The following ATP8A1 variants were observed in gnomAD, a reference collection of about 807,000 sequenced individuals.
ATP8A1 encodes the protein ATPase phospholipid transporting 8A1.
In ATP8A1, 90 loss-of-function variants were observed where a neutral mutation model predicts 177.7. The observed-to-expected ratio is 0.51, with a 90% CI of 0.43 to 0.60. The LOEUF (loss-of-function observed/expected upper bound fraction) is 0.60, where lower values mean the gene tolerates loss of function less well. Among genes scored for constraint, ATP8A1 ranks in the 20% least tolerant of loss-of-function variants. The probability of loss-of-function intolerance (pLI) is 0.00; values close to 1 mark genes in which losing one functional copy is unlikely to be tolerated. For missense variants in ATP8A1, 1,072 were observed against 1,392.8 expected (o/e 0.77, Z 3.67); for synonymous variants, 493 against 485.9 (o/e 1.01, Z -0.19).
intron 1 of ATP8A1, among the ~76,000 whole-genome samples, chr4:42,648,043 A>C (rs1740713327): frequency 6.6e-6 from 1 of 152,262 alleles, no homozygotes; most frequent in South Asian, 2.1e-4. Flanking sequence ...ATTCAGACTG[A>C]TACCAATATC....
At chr4:42,551,304 G>A in intron 17 of ATP8A1, 24 bp from the exon 18 acceptor site, 1 of 1,532,074 alleles carries the variant, frequency 6.5e-7, no homozygotes, top group East Asian at 2.3e-5. Context: ...AGAGGTAAAA[G>A]CAAACACATG....
At chr4:42,485,839 G>C (rs73235584) in intron 24 of ATP8A1, among the ~76,000 whole-genome samples, 171 bp from the exon 25 acceptor site, 23,122 of 152,118 alleles carry the variant, frequency 0.15, 2,198 homozygotes, top group South Asian at 0.24. Flanking sequence ...TCAGGAGCCT[G>C]CACAATTGTT....
At chr4:42,437,869 C>T (rs953045113) in intron 33 of ATP8A1, among the ~76,000 whole-genome samples, 7 of 152,168 alleles carry the variant, frequency 4.6e-5, no homozygotes, top group Non-Finnish European at 8.8e-5. Context: ...GCTTTCTGGT[C>T]ACTTCAGGCA....
At position 42,574,776 on chromosome 4, in the gene ATP8A1, C is replaced by T. The variant is rs1295949591; in HGVS notation, c.1207-69G>A. 4 of 1,074,908 alleles carry T rather than the reference C, an allele frequency of 3.7e-6. No individual in the cohort carries two copies. The Admixed American group carries it at 7.8e-5, about 21-fold the overall frequency. The allele number at this position is 1,074,908 out of a possible 1,614,324, so 66.6% of individuals were successfully genotyped here. On this transcript the variant is annotated intron_variant, in intron 13 of 36. Transcript: ENST00000381668. ...ATGCCACTCTTTTACAGAGAAACCC[C>T]TCATGCTTTTTATTAACATTGCAGG...
intron 24 of ATP8A1, among the ~76,000 whole-genome samples, chr4:42,500,573 T>A (rs1723760657): frequency 7.0e-6 from 1 of 143,056 alleles, no homozygotes; most frequent in Non-Finnish European, 1.5e-5. Context: ...TCCATGAAAT[T>A]TTTTTCTAAA....
chr4:42,530,380 AACAG>A (rs1727139379), intron 20 of ATP8A1, among the ~76,000 whole-genome samples: 1 of 152,236 alleles, frequency 6.6e-6, no homozygotes, highest in Admixed American at 6.5e-5. Flanking sequence ...TCCTCACTGG[AACAG>A]ACACTTACTC....
chr4:42,504,786 C>T (rs985680412), intron 23 of ATP8A1, among the ~76,000 whole-genome samples: 5 of 152,204 alleles, frequency 3.3e-5, no homozygotes, highest in Non-Finnish European at 7.3e-5. Flanking sequence ...AAGTGATGTC[C>T]CTGTTTACTT....
chr4:42,557,061 G>A (rs1428425070), intron 15 of ATP8A1, among the ~76,000 whole-genome samples: 1 of 152,130 alleles, frequency 6.6e-6, no homozygotes, highest in Non-Finnish European at 1.5e-5. Flanking sequence ...AACATACATA[G>A]TATCTTCAAT....
intron 25 of ATP8A1, among the ~76,000 whole-genome samples, chr4:42,475,777 C>T (rs1345542345): frequency 6.6e-6 from 1 of 152,138 alleles, no homozygotes; most frequent in Admixed American, 6.5e-5. Context: ...GTGGCTCATG[C>T]TTGTAATCCC....
At chr4:42,619,054 TTTG>T in intron 4 of ATP8A1, among the ~76,000 whole-genome samples, 1 of 142,284 alleles carries the variant, frequency 7.0e-6, no homozygotes, top group African/African-American at 2.5e-5. Flanking sequence ...GTGTGATTTT[TTTG>T]TTTTTTTTTT....
chr4:42,531,658 T>G (rs1011601547), intron 20 of ATP8A1, among the ~76,000 whole-genome samples: 2 of 152,166 alleles, frequency 1.3e-5, no homozygotes, highest in African/African-American at 2.4e-5. Context: ...ATCTTATATC[T>G]GCAAAAAACT....
intron 36 of ATP8A1, among the ~76,000 whole-genome samples, chr4:42,413,770 A>T (rs377066648): frequency 1.3e-5 from 2 of 152,232 alleles, no homozygotes; most frequent in East Asian, 3.8e-4. Context: ...CAGATGTGGA[A>T]CCCACTGATA....
chr4:42,558,227 A>G, intron 15 of ATP8A1, among the ~76,000 whole-genome samples: 1 of 152,258 alleles, frequency 6.6e-6, no homozygotes, highest in East Asian at 1.9e-4. Context: ...TCAGTTAAAA[A>G]TAAGAACCAT....
chr4:42,411,381 CTT>C lies in ATP8A1; in HGVS notation c.*1533_*1534del, dbSNP rs965029711. ...ATCACCTCTTCTCAATTCTAGTTGA[CTT>C]TTTTTAAAAGAGAAAGTTCTACCTA... On this transcript the variant is annotated 3_prime_UTR_variant, in exon 37 of 37. Transcript: ENST00000381668. 6.6e-6 allele frequency: 1 copy of C among 152,054 alleles called. No homozygotes were observed. The allele number at this position is 152,054 out of a possible 1,614,324, so 9.4% of individuals were successfully genotyped here. A position where few individuals can be genotyped will look rare whatever the true frequency, so the allele number is the denominator to read the frequency against.
intron 9 of ATP8A1, among the ~76,000 whole-genome samples, chr4:42,582,507 T>A (rs1200874147): frequency 1.0e-4 from 3 of 29,552 alleles, no homozygotes; most frequent in African/African-American, 4.5e-4. Context: ...CCCCACACAC[T>A]CTCTCTCCCC....
chr4:42,633,426 G>A (rs1321514207), intron 1 of ATP8A1, among the ~76,000 whole-genome samples: 3 of 152,086 alleles, frequency 2.0e-5, no homozygotes, highest in Non-Finnish European at 4.4e-5. Context: ...TCATTCATTT[G>A]CTTATTCATT....
rs578119797 is a variant in ATP8A1 at position 42,567,495 on chromosome 4, T to C, written c.1340+1666A>G. Among the ~76,000 whole-genome samples, 3 of 152,318 alleles carry C rather than the reference T, an allele frequency of 2.0e-5. No individual in the cohort carries two copies. The South Asian group carries it at 6.2e-4, about 32-fold the overall frequency. ...TGGAGGTTGCAGTGAGCTGAGATTGTGCCACTGCATTCCAGCCTGGGTGAT... is the reference window on the plus strand; with the variant it reads ...TGGAGGTTGCAGTGAGCTGAGATTGCGCCACTGCATTCCAGCCTGGGTGAT... On this transcript the variant is annotated intron_variant, in intron 15 of 36. Transcript: ENST00000381668.
intron 32 of ATP8A1, 92 bp from the exon 33 acceptor site, chr4:42,443,764 T>C: frequency 3.1e-6 from 2 of 649,356 alleles, no homozygotes; most frequent in Non-Finnish European, 5.6e-6. Flanking sequence ...TTATTAACTT[T>C]TTATTATATC....
chr4:42,525,849 C>T (rs908337695), intron 20 of ATP8A1, among the ~76,000 whole-genome samples: 1 of 152,076 alleles, frequency 6.6e-6, no homozygotes, highest in Non-Finnish European at 1.5e-5. Context: ...GAGAGAAACA[C>T]AACTTAGTGA....
Sources: allele counts gnomAD v4.1 joint callset (sites outside exome capture counted in the v4.1 genomes callset), GRCh38; gene constraint gnomAD v4.1.1; transcripts MANE v1.5; gene names NCBI Gene and HGNC (gene_info 2026-07-23, HGNC 2026-07-21).